SEMA6D: variants seen among roughly 807,000 people sequenced by gnomAD.
SEMA6D encodes the protein semaphorin 6D.
Under a neutral mutation model 106.6 loss-of-function variants are expected in SEMA6D, and 35 were observed. The observed-to-expected ratio is 0.33, with a 90% confidence interval of 0.25 to 0.44. SEMA6D has a LOEUF of 0.44. Ranked by LOEUF, SEMA6D falls within the 20% of genes least tolerant of loss-of-function variation. SEMA6D has a pLI of 1.00. For missense variants in SEMA6D, 1,185 were observed against 1,345.9 expected (o/e 0.88, Z 1.87); for synonymous variants, 499 against 487.7 (o/e 1.02, Z -0.31).
intron 1 of SEMA6D, among the ~76,000 whole-genome samples, chr15:47,752,491 A>G (rs952816677): frequency 1.3e-5 from 2 of 152,170 alleles, no homozygotes; most frequent in South Asian, 2.1e-4. Context: ...TTTCAGTGCC[A>G]GTGAAGAGCA....
chr15:47,449,840 C>T (rs529185844), intron 2 of SEMA6D, among the ~76,000 whole-genome samples: 1 of 152,174 alleles, frequency 6.6e-6, no homozygotes, highest in Non-Finnish European at 1.5e-5. Flanking sequence ...GCAAGAAAAT[C>T]CCTAAATACA....
At chr15:47,762,733 C>G (rs2082130051) in intron 8 of SEMA6D, among the ~76,000 whole-genome samples, 1 of 152,034 alleles carries the variant, frequency 6.6e-6, no homozygotes, top group South Asian at 2.1e-4. Flanking sequence ...GGTTTTCTTC[C>G]CTAGTTAAAT....
chr15:47,755,278 G>A (rs1395143744), intron 1 of SEMA6D, among the ~76,000 whole-genome samples: 1 of 152,040 alleles, frequency 6.6e-6, no homozygotes, highest in Non-Finnish European at 1.5e-5. Flanking sequence ...CTTTTTTATA[G>A]ATTCCAGTTT....
intron 1 of SEMA6D, among the ~76,000 whole-genome samples, chr15:47,230,441 C>T (rs1311866745): frequency 1.3e-5 from 2 of 152,024 alleles, no homozygotes; most frequent in Non-Finnish European, 2.9e-5. Flanking sequence ...ATAAACATCA[C>T]TATAGTGTCA....
At chr15:47,723,860 G>A (rs1049704922) in intron 1 of SEMA6D, among the ~76,000 whole-genome samples, 4 of 152,120 alleles carry the variant, frequency 2.6e-5, no homozygotes, top group African/African-American at 9.7e-5. Flanking sequence ...TATATAATAA[G>A]GCCTCAGGAA....
intron 4 of SEMA6D, among the ~76,000 whole-genome samples, chr15:47,629,835 A>G (rs1339184633): frequency 6.6e-6 from 1 of 151,952 alleles, no homozygotes; most frequent in African/African-American, 2.4e-5. Flanking sequence ...TTTACTTAAT[A>G]TAGTGACCAC....
chr15:47,333,022 G>C (rs2037404404), intron 1 of SEMA6D, among the ~76,000 whole-genome samples: 1 of 152,150 alleles, frequency 6.6e-6, no homozygotes, highest in Non-Finnish European at 1.5e-5. Context: ...TGTAACCTAA[G>C]ATAATTAGAT....
intron 4 of SEMA6D, among the ~76,000 whole-genome samples, chr15:47,618,478 A>G (rs761484830): frequency 6.6e-6 from 1 of 152,238 alleles, no homozygotes; most frequent in African/African-American, 2.4e-5. Context: ...AAAGCATTCA[A>G]TCAATGAGTT....
At chr15:47,568,459 A>G (rs2046292444) in intron 3 of SEMA6D, among the ~76,000 whole-genome samples, 1 of 152,198 alleles carries the variant, frequency 6.6e-6, no homozygotes, top group African/African-American at 2.4e-5. Context: ...AATTCTATAT[A>G]TCATTTTTAA....
At position 47,281,183 on chromosome 15, in the gene SEMA6D, C is replaced by T. The variant is rs992688365; in HGVS notation, c.-239+96765C>T. The stretch of plus-strand genomic sequence containing the variant: ...AGTCTAAGTCTCTTTGTAGGTCACT[C>T]AGGACTTGCTTTATGAATCTTGGTG... On this transcript the variant is annotated intron_variant, in intron 1 of 19. Coordinates refer to the SEMA6D transcript ENST00000558014. 1.5e-4 allele frequency among the ~76,000 whole-genome samples: 17 copies of T among 116,922 alleles called. No homozygotes were observed. In the South Asian group the frequency reaches 6.1e-3, roughly 42 times the overall value. The allele number at this position is 116,922 out of a possible 152,430, so 76.7% of individuals were successfully genotyped here.
At chr15:47,445,473 A>G (rs2042002175) in intron 2 of SEMA6D, among the ~76,000 whole-genome samples, 2 of 151,732 alleles carry the variant, frequency 1.3e-5, no homozygotes, top group South Asian at 2.1e-4. Flanking sequence ...TAATACAGCA[A>G]CTCTTCATTT....
chr15:47,773,216 C>G lies in SEMA6D; in HGVS notation c.*1431C>G, dbSNP rs560675789. On this transcript the variant is annotated 3_prime_UTR_variant, in exon 19 of 19. Transcript: ENST00000536845. Reference sequence around the variant, plus strand: ...CTTTTCAAAAAATCACAGAAACAACCTAGGACAATTATTTGTTACATAATC... The same window carrying G: ...CTTTTCAAAAAATCACAGAAACAACGTAGGACAATTATTTGTTACATAATC... 12 of 152,676 alleles carry G rather than the reference C, an allele frequency of 7.9e-5. No individual in the cohort carries two copies. The highest frequency in any genetic ancestry group is 2.9e-4 in the African/African-American group (12 of 41,542). The allele number at this position is 152,676 out of a possible 1,614,324, so 9.5% of individuals were successfully genotyped here. A position where few individuals can be genotyped will look rare whatever the true frequency, so the allele number is the denominator to read the frequency against.
chr15:47,654,989 A>G (rs1299414962), intron 4 of SEMA6D, among the ~76,000 whole-genome samples: 1 of 152,178 alleles, frequency 6.6e-6, no homozygotes, highest in East Asian at 1.9e-4. Context: ...GGGTAGGCTG[A>G]GGAGGAGGAG....
intron 1 of SEMA6D, among the ~76,000 whole-genome samples, chr15:47,270,904 A>C (rs1325664553): frequency 6.6e-6 from 1 of 152,062 alleles, no homozygotes; most frequent in Non-Finnish European, 1.5e-5. Context: ...CTGAGGCAGG[A>C]GAATTGCTTG....
intron 3 of SEMA6D, among the ~76,000 whole-genome samples, chr15:47,508,531 T>TTTTTATTC (rs2044125781): frequency 6.6e-6 from 1 of 152,208 alleles, no homozygotes; most frequent in Non-Finnish European, 1.5e-5. Context: ...TTAGAATAGT[T>TTTTTATTC]TATTGGCTCA....
intron 4 of SEMA6D, among the ~76,000 whole-genome samples, chr15:47,709,358 C>T (rs114964786): frequency 2.7e-3 from 408 of 152,266 alleles, no homozygotes; most frequent in African/African-American, 9.3e-3. Flanking sequence ...CCTTAATAAA[C>T]AGTCCCTTTA....
chr15:47,551,281 A>G (rs1001796522), intron 3 of SEMA6D, among the ~76,000 whole-genome samples: 2 of 151,996 alleles, frequency 1.3e-5, no homozygotes, highest in African/African-American at 2.4e-5. Flanking sequence ...GGGCACACTT[A>G]TCTCCTGAGT....
intron 2 of SEMA6D, among the ~76,000 whole-genome samples, chr15:47,429,381 A>G (rs1567073497): frequency 6.6e-6 from 1 of 152,176 alleles, no homozygotes; most frequent in African/African-American, 2.4e-5. Context: ...CAGCTGTGAG[A>G]TAACATTGTT....
intron 1 of SEMA6D, among the ~76,000 whole-genome samples, chr15:47,323,997 A>C (rs1280221160): frequency 1.3e-5 from 2 of 152,072 alleles, no homozygotes; most frequent in Non-Finnish European, 2.9e-5. Context: ...AAAAAAAAAA[A>C]AAATCCAATG....
Sources: gnomAD v4.1 joint callset for allele counts (sites outside exome capture counted in the v4.1 genomes callset) on GRCh38, gnomAD v4.1.1 for gene constraint, MANE v1.5 for transcripts, NCBI Gene and HGNC (gene_info 2026-07-23, HGNC 2026-07-21) for gene names.